SNX19: variants seen among roughly 807,000 people sequenced by gnomAD.
SNX19 encodes sorting nexin-19.
A neutral mutation model predicts 85.2 loss-of-function variants in SNX19; 60 were observed. The observed-to-expected ratio is 0.70, with a 90% CI of 0.57 to 0.87. The LOEUF is 0.87. SNX19 is among the 40% of genes least tolerant of loss of function. The probability of loss-of-function intolerance (pLI) is 0.00; values close to 1 mark genes in which losing one functional copy is unlikely to be tolerated. For missense variants in SNX19, 1,201 were observed against 1,217.8 expected, an observed-to-expected ratio of 0.99 and a Z score of 0.21; for synonymous variants, 520 against 470.0, an observed-to-expected ratio of 1.11 and a Z score of -1.38.
chr11:130,892,502 T>G (rs1188125054), intron 8 of SNX19, among the ~76,000 whole-genome samples: 1 of 152,222 alleles, frequency 6.6e-6, no homozygotes, highest in Non-Finnish European at 1.5e-5. Flanking sequence ...TCAGACCTTC[T>G]GTAAAAATTC....
In SNX19 at chr11:130,879,438, G is replaced by T. The variant is rs1943492826; in HGVS notation, c.2846+186C>A. Among the ~76,000 whole-genome samples the T allele has an allele frequency of 2.5e-5, 3 of 122,210 alleles. No individual in the cohort carries two copies. The South Asian group carries it at 8.8e-4, about 36-fold the overall frequency. The allele number at this position is 122,210 out of a possible 152,430, so 80.2% of individuals were successfully genotyped here. Reference sequence around the variant, plus strand: ...CACATGACGACCTGCTCAGAAGCCTGATGGTGTGGATTTTACTTAGAGTGT... The same window carrying T: ...CACATGACGACCTGCTCAGAAGCCTTATGGTGTGGATTTTACTTAGAGTGT... On this transcript the variant is annotated intron_variant, in intron 10 of 10. Coordinates refer to ENST00000265909, the MANE Select transcript of SNX19 (RefSeq NM_014758.3).
At chr11:130,895,236 T>C (rs1043533982) in intron 8 of SNX19, 53 of 985,318 alleles carry the variant, frequency 5.4e-5, no homozygotes, top group Non-Finnish European at 6.3e-5. Flanking sequence ...GTACCATGGC[T>C]CTGGGAATCA....
In SNX19 at chr11:130,874,872, T is replaced by G. The variant is rs11222370; in HGVS notation, c.*3550A>C. On this transcript the variant is annotated 3_prime_UTR_variant, in exon 11 of 11. Coordinates refer to ENST00000265909, the MANE Select transcript of SNX19 (RefSeq NM_014758.3). ...TGAAAAAACAAAACATTACAAGTGTTGGAGAGGATGTGGAGAAACTGGAAC... is the reference window on the plus strand; with the variant it reads ...TGAAAAAACAAAACATTACAAGTGTGGGAGAGGATGTGGAGAAACTGGAAC... 0.44 allele frequency among the ~76,000 whole-genome samples: 66,565 copies of G among 152,106 alleles called. 14,850 individuals are homozygous for G. The highest frequency in any genetic ancestry group is 0.56 in the South Asian group (2,718 of 4,816).
chr11:130,886,940 C>A (rs6590521), intron 8 of SNX19, among the ~76,000 whole-genome samples: 17,535 of 152,114 alleles, frequency 0.12, 1,520 homozygotes, highest in African/African-American at 0.25. Context: ...TCCTTTCCTG[C>A]CCAGTGCTGG....
rs1942928437 is a variant in SNX19 at position 130,869,537 on chromosome 11, T to A, written c.*8885A>T. On this transcript the variant is annotated 3_prime_UTR_variant, in exon 11 of 11. Transcript: ENST00000265909. Reference sequence around the variant, plus strand: ...ATTTTATATTTTCCAATGTCTGAACTGTTTTTACAACAGATTTTCCACAGA... The same window carrying A: ...ATTTTATATTTTCCAATGTCTGAACAGTTTTTACAACAGATTTTCCACAGA... The A allele has an allele frequency of 6.6e-6, 1 of 152,220 alleles. No individual in the cohort carries two copies. Among genetic ancestry groups the A allele is most frequent in the African/African-American group, 2.4e-5 (1 of 41,452 alleles). The allele number at this position is 152,220 out of a possible 1,614,324, so 9.4% of individuals were successfully genotyped here.
At chr11:130,886,052 G>A (rs1274255348) in intron 8 of SNX19, among the ~76,000 whole-genome samples, 2 of 152,128 alleles carry the variant, frequency 1.3e-5, no homozygotes, top group African/African-American at 4.8e-5. Flanking sequence ...AAACATTGCG[G>A]CATGTCCCCT....
At position 130,876,416 on chromosome 11, in the gene SNX19, G is replaced by A. The variant is rs142106251; in HGVS notation, c.*2006C>T. 2.4e-4 allele frequency: 36 copies of A among 152,768 alleles called. No homozygotes were observed. Among genetic ancestry groups the A allele is most frequent in the African/African-American group, 7.0e-4 (29 of 41,570 alleles). 9.5% of individuals were successfully genotyped at this position (152,768 alleles called of 1,614,324 possible). On this transcript the variant is annotated 3_prime_UTR_variant, in exon 11 of 11. Transcript: ENST00000265909. The stretch of plus-strand genomic sequence containing the variant: ...ATCTTTTTGGGGTACGTGGAGTAGA[G>A]GTGGGGACTCTTATATAATACGAAA...
Position 130,910,401 on chromosome 11 carries a change from A to G in SNX19, c.1814-31T>C, listed in dbSNP as rs766555055. ...AAAAAAAAAAAAAATCAAAATATTCACTCATTTAACATTCACAGAGAGCTA... is the reference window on the plus strand; with the variant it reads ...AAAAAAAAAAAAAATCAAAATATTCGCTCATTTAACATTCACAGAGAGCTA... On this transcript the variant is annotated intron_variant, in intron 2 of 10. Coordinates refer to ENST00000265909, the MANE Select transcript of SNX19 (RefSeq NM_014758.3). The G allele has an allele frequency of 2.8e-6, 4 of 1,434,704 alleles. No individual in the cohort carries two copies. In the East Asian group the frequency reaches 9.1e-5, roughly 33 times the overall value. The allele number at this position is 1,434,704 out of a possible 1,614,324, so 88.9% of individuals were successfully genotyped here. A position where few individuals can be genotyped will look rare whatever the true frequency, so the allele number is the denominator to read the frequency against.
intron 4 of SNX19, chr11:130,908,321 G>A (rs979092668): frequency 1.2e-5 from 4 of 323,826 alleles, no homozygotes; most frequent in Middle Eastern, 6.9e-4. Flanking sequence ...ACAACGCCAT[G>A]GGAAAAGAAG....
At chr11:130,911,843 ACTTG>A in intron 1 of SNX19, 72 bp from the exon 2 acceptor site, 1 of 1,502,186 alleles carries the variant, frequency 6.7e-7, no homozygotes, top group Non-Finnish European at 9.2e-7. Context: ...TTTACTGACT[ACTTG>A]GTCAATGGCC....
chr11:130,906,569 G>T, intron 6 of SNX19, 56 bp downstream of exon 6: 1 of 1,231,284 alleles, frequency 8.1e-7, no homozygotes, highest in Non-Finnish European at 1.2e-6. Flanking sequence ...ACCTGTAACT[G>T]CAGGACCAAC....
chr11:130,908,786 C>T (rs1247409071), intron 4 of SNX19, among the ~76,000 whole-genome samples: 1 of 152,184 alleles, frequency 6.6e-6, no homozygotes, highest in Non-Finnish European at 1.5e-5. Context: ...CAGATATTTG[C>T]TAAAAAGGAC....
At chr11:130,887,413 T>C (rs1565514934) in intron 8 of SNX19, among the ~76,000 whole-genome samples, 1 of 152,178 alleles carries the variant, frequency 6.6e-6, no homozygotes, top group African/African-American at 2.4e-5. Flanking sequence ...GAAGGAAACT[T>C]AGAGGTTATT....
intron 10 of SNX19, among the ~76,000 whole-genome samples, chr11:130,878,963 AGG>A (rs1314324235): frequency 3.9e-5 from 6 of 152,200 alleles, no homozygotes; most frequent in Non-Finnish European, 8.8e-5. Flanking sequence ...AGGATCCTTG[AGG>A]AAGTTAACGA....
At chr11:130,885,252 CAG>C (rs2135298622) in intron 8 of SNX19, among the ~76,000 whole-genome samples, 1 of 152,296 alleles carries the variant, frequency 6.6e-6, no homozygotes, top group African/African-American at 2.4e-5. Context: ...TTATGCCAGA[CAG>C]GGGAGAAGAA....
At position 130,877,548 on chromosome 11, in the gene SNX19, T is replaced by A. The variant is rs1943331974; in HGVS notation, c.*874A>T. 6.6e-6 allele frequency: 1 copy of A among 152,442 alleles called. No individual in the cohort carries two copies. 9.4% of individuals were successfully genotyped at this position (152,442 alleles called of 1,614,324 possible). On this transcript the variant is annotated 3_prime_UTR_variant, in exon 11 of 11. Coordinates refer to ENST00000265909, the MANE Select transcript of SNX19 (RefSeq NM_014758.3). ...GACAGGAGGCAAGTGCTTTCCATTCTCCTTGGAAAAACTGAGGCTGAATAT... is the reference window on the plus strand; with the variant it reads ...GACAGGAGGCAAGTGCTTTCCATTCACCTTGGAAAAACTGAGGCTGAATAT...
chr11:130,887,008 A>G (rs933420227), intron 8 of SNX19, among the ~76,000 whole-genome samples: 2 of 152,184 alleles, frequency 1.3e-5, no homozygotes, highest in African/African-American at 4.8e-5. Flanking sequence ...CTTTCTCCCA[A>G]TACTACTGTG....
rs1344698584 is a variant in SNX19, at chr11:130,872,507, A to G, written c.*5915T>C. 6.6e-6 allele frequency among the ~76,000 whole-genome samples: 1 copy of G among 152,076 alleles called. No individual in the cohort carries two copies. The highest frequency in any genetic ancestry group is 2.4e-5 in the African/African-American group (1 of 41,404). On this transcript the variant is annotated 3_prime_UTR_variant, in exon 11 of 11. Coordinates refer to ENST00000265909, the MANE Select transcript of SNX19 (RefSeq NM_014758.3). The stretch of plus-strand genomic sequence containing the variant: ...TCAATGTTGTCTTTGTGTAATAAGA[A>G]ATATCAGGTAAGTCTTAGGATGTGG...
chr11:130,914,169 A>G, intron 1 of SNX19, 97 bp downstream of exon 1: 1 of 1,042,932 alleles, frequency 9.6e-7, no homozygotes, highest in East Asian at 2.5e-5. Flanking sequence ...AACCACTTCA[A>G]ACTAACAGCA....
Sources: allele counts gnomAD v4.1 joint callset (sites outside exome capture counted in the v4.1 genomes callset), GRCh38; gene constraint gnomAD v4.1.1; transcripts MANE v1.5; gene names NCBI Gene and HGNC (gene_info 2026-07-23, HGNC 2026-07-21).